Variants in TSHZ2 observed in about 807,000 individuals in gnomAD.
TSHZ2 encodes the protein teashirt zinc finger homeobox 2.
A neutral mutation model predicts 74.4 loss-of-function variants in TSHZ2; 21 were observed. The ratio of observed to expected loss-of-function variants is 0.28; its 90% CI spans 0.20 to 0.41. TSHZ2 has a LOEUF of 0.41. Ranked by LOEUF, TSHZ2 falls within the 10% of genes least tolerant of loss-of-function variation. The pLI, the probability that TSHZ2 is intolerant of heterozygous loss-of-function variation, is 1.00. For synonymous variants in TSHZ2, 540 were observed against 515.3 expected (o/e 1.05, Z -0.65); for missense variants, 1,244 against 1,293.5 (o/e 0.96, Z 0.59).
intron 1 of TSHZ2, among the ~76,000 whole-genome samples, chr20:53,081,822 G>C (rs1338993243): frequency 1.3e-5 from 2 of 151,864 alleles, no homozygotes; most frequent in Non-Finnish European, 2.9e-5. Context: ...TTAGAAGACT[G>C]TGGTCCTTTT....
At chr20:53,241,634 A>T (rs1378790743) in intron 1 of TSHZ2, among the ~76,000 whole-genome samples, 1 of 152,134 alleles carries the variant, frequency 6.6e-6, no homozygotes, top group Admixed American at 6.6e-5. Context: ...ATGATTCTTC[A>T]TGACTAGGTT....
intron 1 of TSHZ2, among the ~76,000 whole-genome samples, chr20:53,071,014 G>A (rs948545012): frequency 1.3e-5 from 2 of 152,152 alleles, no homozygotes; most frequent in Non-Finnish European, 2.9e-5. Flanking sequence ...TTTCAAAACC[G>A]TTAGAACGAA....
chr20:52,987,413 C>T (rs182613818), intron 1 of TSHZ2, among the ~76,000 whole-genome samples: 2 of 152,156 alleles, frequency 1.3e-5, no homozygotes, highest in Admixed American at 6.5e-5. Context: ...GGAAAAAGTA[C>T]ATAAAATTTA....
intron 2 of TSHZ2, among the ~76,000 whole-genome samples, chr20:53,363,044 C>T (rs1039065896): frequency 6.6e-6 from 1 of 152,214 alleles, no homozygotes; most frequent in Non-Finnish European, 1.5e-5. Context: ...AGAAGCAGCC[C>T]TTGACCAATG....
chr20:53,018,170 T>G (rs973526069), intron 1 of TSHZ2, among the ~76,000 whole-genome samples: 5 of 152,166 alleles, frequency 3.3e-5, no homozygotes. Context: ...GCAACGTCCT[T>G]CTGTCTCCTA....
At chr20:52,973,479 T>C in intron 1 of TSHZ2, 146 bp downstream of exon 1, 1 of 1,061,368 alleles carries the variant, frequency 9.4e-7, no homozygotes, top group Non-Finnish European at 1.4e-6. Context: ...CCGTCCTCTC[T>C]CGCCTTCTCT....
chr20:53,226,658 G>T (rs1365316653), intron 1 of TSHZ2, among the ~76,000 whole-genome samples: 2 of 152,102 alleles, frequency 1.3e-5, no homozygotes, highest in African/African-American at 4.8e-5. Flanking sequence ...TTCAAATGGT[G>T]TATTTAGAAC....
At chr20:53,155,286 A>G (rs1189897973) in intron 1 of TSHZ2, among the ~76,000 whole-genome samples, 5 of 152,006 alleles carry the variant, frequency 3.3e-5, no homozygotes, top group African/African-American at 1.2e-4. Flanking sequence ...TAAAAAGACA[A>G]TGAAAAGGTA....
intron 1 of TSHZ2, among the ~76,000 whole-genome samples, chr20:53,171,908 A>G (rs1014748898): frequency 2.6e-5 from 4 of 152,132 alleles, no homozygotes; most frequent in Admixed American, 2.6e-4. Context: ...GAAAATTGCA[A>G]CCTCTAAAGA....
intron 1 of TSHZ2, among the ~76,000 whole-genome samples, chr20:53,252,302 G>T (rs1331855835): frequency 6.6e-6 from 1 of 152,188 alleles, no homozygotes; most frequent in African/African-American, 2.4e-5. Context: ...GGAAATAACA[G>T]AGCCTGCTCT....
chr20:52,986,430 A>G (rs1981764043), intron 1 of TSHZ2, among the ~76,000 whole-genome samples: 2 of 145,666 alleles, frequency 1.4e-5, no homozygotes, highest in Admixed American at 1.4e-4. Context: ...AAAGAAAGAA[A>G]TGAAATAATA....
intron 1 of TSHZ2, among the ~76,000 whole-genome samples, chr20:53,227,221 T>C (rs1314370677): frequency 6.6e-6 from 1 of 151,978 alleles, no homozygotes; most frequent in Admixed American, 6.6e-5. Context: ...TCCTAGGAAA[T>C]ACTTCAAAGT....
chr20:53,449,948 C>T (rs538995862), intron 2 of TSHZ2, among the ~76,000 whole-genome samples: 39 of 152,310 alleles, frequency 2.6e-4, no homozygotes, highest in Middle Eastern at 3.4e-3. Context: ...AGTTTGTTCT[C>T]TAAGGTCAGA....
At position 52,973,182 on chromosome 20, in the gene TSHZ2, A is replaced by G; in HGVS notation, c.-112A>G. 2 of 1,414,792 alleles carry G rather than the reference A, an allele frequency of 1.4e-6. No homozygotes were observed. The highest frequency in any genetic ancestry group is 2.5e-5 in the East Asian group (1 of 39,774). 87.6% of individuals were successfully genotyped at this position (1,414,792 alleles called of 1,614,324 possible). On this transcript the variant is annotated 5_prime_UTR_variant, in exon 1 of 3. Transcript: ENST00000371497. ...GGGGACAGAGGCCGAGTGACGTCCT[A>G]GGAGCCACCGGGCAAGAGGCGGAGG...
At chr20:53,228,156 A>G (rs1291919303) in intron 1 of TSHZ2, among the ~76,000 whole-genome samples, 1 of 151,006 alleles carries the variant, frequency 6.6e-6, no homozygotes, top group Non-Finnish European at 1.5e-5. Flanking sequence ...ACAGAGACAG[A>G]ATGGGAGAAG....
At chr20:53,356,489 T>C (rs957704451) in intron 2 of TSHZ2, among the ~76,000 whole-genome samples, 1 of 152,222 alleles carries the variant, frequency 6.6e-6, no homozygotes, top group African/African-American at 2.4e-5. Flanking sequence ...TTAAAAAGTT[T>C]TTAATAAAGA....
intron 1 of TSHZ2, among the ~76,000 whole-genome samples, chr20:53,092,676 A>G (rs1985918041): frequency 6.6e-6 from 1 of 152,248 alleles, no homozygotes; most frequent in African/African-American, 2.4e-5. Context: ...TTAAGATAAA[A>G]TACTACATGA....
chr20:53,090,380 T>C (rs892464379), intron 1 of TSHZ2, among the ~76,000 whole-genome samples: 3 of 152,120 alleles, frequency 2.0e-5, no homozygotes, highest in Admixed American at 2.0e-4. Context: ...CACTCAATAT[T>C]AACTGTCACA....
chr20:53,109,789 G>A (rs1292382310), intron 1 of TSHZ2, among the ~76,000 whole-genome samples: 1 of 152,140 alleles, frequency 6.6e-6, no homozygotes, highest in African/African-American at 2.4e-5. Flanking sequence ...AAGAATTGGA[G>A]TGCTGCTCCT....
Sources: gnomAD v4.1 joint callset for allele counts (sites outside exome capture counted in the v4.1 genomes callset) on GRCh38, gnomAD v4.1.1 for gene constraint, MANE v1.5 for transcripts, NCBI Gene and HGNC (gene_info 2026-07-23, HGNC 2026-07-21) for gene names.